Variants in SOWAHA observed in about 807,000 individuals in gnomAD.
SOWAHA encodes ankyrin repeat domain-containing protein SOWAHA.
A neutral mutation model predicts 21.1 loss-of-function variants in SOWAHA; 17 were observed. The ratio of observed to expected loss-of-function variants is 0.80; its 90% CI spans 0.55 to 1.21. The LOEUF is 1.21. Ranked by LOEUF, SOWAHA falls within the 50% of genes most tolerant of loss-of-function variation. SOWAHA has a pLI of 0.00. For synonymous variants in SOWAHA, 422 were observed against 397.1 expected, an observed-to-expected ratio of 1.06 and a Z score of -0.75; for missense variants, 862 against 816.0, an observed-to-expected ratio of 1.06 and a Z score of -0.69.
chr5:132,813,630 G>GGCCGCCTCC lies in SOWAHA; in HGVS notation c.15_16insTCCGCCGCC (p.Ala5_Ala6insSerAlaAla). ...GAACCCAGGGCCCCACCATGGCGCT[G>GGCCGCCTCC]GCCGCCGCCGCCGCCGCTGCGGCTG... On this transcript the variant is annotated inframe_insertion, in exon 1 of 1. Transcript: ENST00000378693. 7.4e-7 allele frequency: 1 copy of GGCCGCCTCC among 1,349,470 alleles called. No individual in the cohort carries two copies. The highest frequency in any genetic ancestry group is 4.0e-5 in the Admixed American group (1 of 25,200). The allele number at this position is 1,349,470 out of a possible 1,614,324, so 83.6% of individuals were successfully genotyped here.
rs1165557445 is a variant in SOWAHA at position 132,815,188 on chromosome 5, C to G, written c.1567C>G (p.Leu523Val). 5 of 1,613,974 alleles carry G rather than the reference C, an allele frequency of 3.1e-6. No homozygotes were observed. Among genetic ancestry groups the G allele is most frequent in the Non-Finnish European group, 4.2e-6 (5 of 1,180,030 alleles). The change falls in exon 1 of 1, where the codon CTG becomes GTG. Residue 523 changes from leucine (L) to valine (V), a missense_variant. Leu to Val is a conservative substitution (Grantham distance 32). Coordinates refer to ENST00000378693, the MANE Select transcript of SOWAHA (RefSeq NM_175873.6). ...TAAAAAGACAAAGATCCGCGGTGGT[C>G]TGCCAGCCTTCTCAGAAATCTCTCG... ...PRKKTKIRGG[L>V]PAFSEISRRP...
chr5:132,815,893 TAA>T lies in SOWAHA; in HGVS notation c.*625_*626del, dbSNP rs1364535045. Reference sequence around the variant, plus strand: ...GGAAATTAATCCCAACCAACAAACTTAAAAGTTTATCTACCTCGTTTTAGGCA... The same window carrying T: ...GGAAATTAATCCCAACCAACAAACTTAAGTTTATCTACCTCGTTTTAGGCA... On this transcript the variant is annotated 3_prime_UTR_variant, in exon 1 of 1. Coordinates refer to ENST00000378693, the MANE Select transcript of SOWAHA (RefSeq NM_175873.6). 1.2e-5 allele frequency: 2 copies of T among 166,874 alleles called. No individual in the cohort carries two copies. Among genetic ancestry groups the T allele is most frequent in the Non-Finnish European group, 2.9e-5 (2 of 68,130 alleles). 10.3% of individuals were successfully genotyped at this position (166,874 alleles called of 1,614,324 possible).
rs1318459910 is a variant in SOWAHA, at chr5:132,814,165, G to A, written c.544G>A (p.Ala182Thr). The A allele has an allele frequency of 5.0e-6, 8 of 1,598,644 alleles. No homozygotes were observed. The highest frequency in any genetic ancestry group is 6.8e-6 in the Non-Finnish European group (8 of 1,178,768). Residue 182 changes from alanine (A) to threonine (T), a missense_variant, in exon 1 of 1, where the codon GCC becomes ACC. Transcript: ENST00000378693. ...QATERPSADA[A>T]PPPRAPSEAA... Reference sequence around the variant, plus strand: ...CACCGAGAGACCCTCCGCAGACGCGGCCCCACCGCCTAGGGCCCCTTCTGA... The same window carrying A: ...CACCGAGAGACCCTCCGCAGACGCGACCCCACCGCCTAGGGCCCCTTCTGA...
At position 132,816,147 on chromosome 5, in the gene SOWAHA, A is replaced by G. The variant is rs1486085288; in HGVS notation, c.*876A>G. On this transcript the variant is annotated 3_prime_UTR_variant, in exon 1 of 1. Transcript: ENST00000378693. ...TTGTGGGTGGCTATTTTGATTTGGCATGACTACTTAATTTTTTAAAAAAAT... is the reference window on the plus strand; with the variant it reads ...TTGTGGGTGGCTATTTTGATTTGGCGTGACTACTTAATTTTTTAAAAAAAT... 1 of 167,048 alleles carries G rather than the reference A, an allele frequency of 6.0e-6. No individual in the cohort carries two copies. The highest frequency in any genetic ancestry group is 1.5e-5 in the Non-Finnish European group (1 of 68,114). The allele number at this position is 167,048 out of a possible 1,614,324, so 10.3% of individuals were successfully genotyped here.
At position 132,816,208 on chromosome 5, in the gene SOWAHA, T is replaced by C. The variant is rs1415051536; in HGVS notation, c.*937T>C. The stretch of plus-strand genomic sequence containing the variant: ...GAATTGCACCTTTGTGCCATGTTTC[T>C]GAATCTGGTTTTCAAATCCAGTGGA... On this transcript the variant is annotated 3_prime_UTR_variant, in exon 1 of 1. Transcript: ENST00000378693. 1.2e-5 allele frequency: 2 copies of C among 167,132 alleles called. No individual in the cohort carries two copies. The highest frequency in any genetic ancestry group is 3.8e-4 in the East Asian group (2 of 5,208). 10.4% of individuals were successfully genotyped at this position (167,132 alleles called of 1,614,324 possible). A position where few individuals can be genotyped will look rare whatever the true frequency, so the allele number is the denominator to read the frequency against.
rs780249771 is a variant in SOWAHA at position 132,815,079 on chromosome 5, C to T, written c.1458C>T (p.Asp486=). The change falls in exon 1 of 1, where the codon GAC becomes GAT. Residue 486 remains aspartate, a synonymous_variant. Coordinates refer to ENST00000378693, the MANE Select transcript of SOWAHA (RefSeq NM_175873.6). ...TSAFLGVLAD[D]LMLQDLARGL... is the part of the protein sequence containing the mutation. ...CATTTCTGGGCGTCCTGGCTGACGA[C>T]CTCATGCTCCAGGACCTGGCCCGAG... 168 of 1,613,156 alleles carry T rather than the reference C, an allele frequency of 1.0e-4. No individual in the cohort carries two copies. Among genetic ancestry groups the T allele is most frequent in the Non-Finnish European group, 1.3e-4 (155 of 1,179,554 alleles).
rs4266393 is a variant in SOWAHA at position 132,814,332 on chromosome 5, C to T, written c.711C>T (p.Pro237=). The change falls in exon 1 of 1, where the codon CCC becomes CCT. Residue 237 remains proline, a synonymous_variant. Coordinates refer to ENST00000378693, the MANE Select transcript of SOWAHA (RefSeq NM_175873.6). ...PATLRLRAEE[P]GLRRQLSEEP... The stretch of plus-strand genomic sequence containing the variant: ...CGCTCCGCCTCCGGGCGGAGGAGCC[C>T]GGCCTGCGCCGGCAGCTGTCGGAGG... 1 of 1,481,560 alleles carries T rather than the reference C, an allele frequency of 6.7e-7. No individual in the cohort carries two copies. Among genetic ancestry groups the T allele is most frequent in the East Asian group, 2.8e-5 (1 of 35,816 alleles). The allele number at this position is 1,481,560 out of a possible 1,614,324, so 91.8% of individuals were successfully genotyped here. A position where few individuals can be genotyped will look rare whatever the true frequency, so the allele number is the denominator to read the frequency against.
rs11739133 is a variant in SOWAHA, at chr5:132,816,781, A to C, written c.*1510A>C. ...TGAGCAATGAAATAAACAGTCCTCCATTTTGTTTCTGCTTGAGTGGTGATG... is the reference window on the plus strand; with the variant it reads ...TGAGCAATGAAATAAACAGTCCTCCCTTTTGTTTCTGCTTGAGTGGTGATG... On this transcript the variant is annotated 3_prime_UTR_variant, in exon 1 of 1. Transcript: ENST00000378693. 1,226 of 166,468 alleles carry C rather than the reference A, an allele frequency of 7.4e-3. 16 individuals carry two copies. The highest frequency in any genetic ancestry group is 0.024 in the South Asian group (118 of 4,828). The allele number at this position is 166,468 out of a possible 1,614,324, so 10.3% of individuals were successfully genotyped here.
Position 132,813,790 on chromosome 5 carries a change from C to T in SOWAHA, c.169C>T (p.Arg57Cys). 6.5e-7 allele frequency: 1 copy of T among 1,548,742 alleles called. No individual in the cohort carries two copies. Among genetic ancestry groups the T allele is most frequent in the Non-Finnish European group, 8.7e-7 (1 of 1,146,098 alleles). ...DPRGRAARRDRFKQFVNNVAV... is the reference protein window; with the variant it reads ...DPRGRAARRDCFKQFVNNVAV... ...GCGGGGCCGCGCCGCCCGCAGGGAC[C>T]GCTTCAAGCAGTTCGTCAACAACGT... Residue 57 changes from arginine (R) to cysteine (C), a missense_variant, in exon 1 of 1, where the codon CGC becomes TGC. By Grantham distance (180) the Arg-to-Cys change is radical. Transcript: ENST00000378693.
rs1389241302 is a variant in SOWAHA, at chr5:132,814,749, C to T, written c.1128C>T (p.Val376=). ...VEVARRSGAP[V]DVNARSHGGY... ...TCGCGCGGCGCAGTGGCGCACCAGT[C>T]GACGTGAACGCACGCTCCCACGGCG... The change falls in exon 1 of 1, where the codon GTC becomes GTT. Residue 376 remains valine (V), a synonymous_variant. Transcript: ENST00000378693. The T allele has an allele frequency of 1.1e-5, 17 of 1,528,272 alleles. No homozygotes were observed. Among genetic ancestry groups the T allele is most frequent in the Admixed American group, 2.0e-5 (1 of 50,324 alleles). The allele number at this position is 1,528,272 out of a possible 1,614,324, so 94.7% of individuals were successfully genotyped here.
In SOWAHA at chr5:132,816,489, G is replaced by A. The variant is rs1758386321; in HGVS notation, c.*1218G>A. ...TGGGCCTTTGTTCCTATCTGTAAAT[G>A]AGAAAGTTTGTAGATATTGCCAAGA... On this transcript the variant is annotated 3_prime_UTR_variant, in exon 1 of 1. Coordinates refer to ENST00000378693, the MANE Select transcript of SOWAHA (RefSeq NM_175873.6). The A allele has an allele frequency of 1.2e-5, 2 of 167,096 alleles. No homozygotes were observed. The highest frequency in any genetic ancestry group is 1.3e-4 in the Admixed American group (2 of 15,290). 10.4% of individuals were successfully genotyped at this position (167,096 alleles called of 1,614,324 possible). A position where few individuals can be genotyped will look rare whatever the true frequency, so the allele number is the denominator to read the frequency against.
Position 132,813,660 on chromosome 5 carries a change from G to C in SOWAHA, c.39G>C (p.Gly13=), listed in dbSNP as rs1378397705. ...CCGCCGCCGCCGCTGCGGCTGCCGG[G>C]GTGAGCCAGGCGGCGGTGCTGGGCT... ...LAAAAAAAAA[G]VSQAAVLGFL... is the part of the protein sequence containing the mutation. The change falls in exon 1 of 1, where the codon GGG becomes GGC. Residue 13 remains glycine (G), a synonymous_variant. Transcript: ENST00000378693. The C allele has an allele frequency of 4.1e-6, 6 of 1,451,172 alleles. No individual in the cohort carries two copies. In the African/African-American group the frequency reaches 4.4e-5, roughly 11 times the overall value. The allele number at this position is 1,451,172 out of a possible 1,614,324, so 89.9% of individuals were successfully genotyped here. A position where few individuals can be genotyped will look rare whatever the true frequency, so the allele number is the denominator to read the frequency against.
chr5:132,814,476 C>G lies in SOWAHA; in HGVS notation c.855C>G (p.Gly285=). The G allele has an allele frequency of 3.5e-6, 5 of 1,443,046 alleles. No individual in the cohort carries two copies. The highest frequency in any genetic ancestry group is 4.5e-6 in the Non-Finnish European group (5 of 1,105,606). The allele number at this position is 1,443,046 out of a possible 1,614,324, so 89.4% of individuals were successfully genotyped here. A position where few individuals can be genotyped will look rare whatever the true frequency, so the allele number is the denominator to read the frequency against. ...SPHLRRLSRA[G]PRLLSPDAEE... is the part of the protein sequence containing the mutation. ...ACCTGAGGCGCCTGTCGCGCGCCGGCCCGCGTCTGCTGAGCCCTGACGCCG... is the reference window on the plus strand; with the variant it reads ...ACCTGAGGCGCCTGTCGCGCGCCGGGCCGCGTCTGCTGAGCCCTGACGCCG... The change falls in exon 1 of 1, where the codon GGC becomes GGG. Residue 285 remains glycine, a synonymous_variant. Transcript: ENST00000378693.
Position 132,814,644 on chromosome 5 carries a change from C to T in SOWAHA, c.1023C>T (p.Arg341=). 1 of 1,523,042 alleles carries T rather than the reference C, an allele frequency of 6.6e-7. No individual in the cohort carries two copies. The allele number at this position is 1,523,042 out of a possible 1,614,324, so 94.3% of individuals were successfully genotyped here. ...GCGACCGCGGCTTGGCGGCCAAGCG[C>T]GACTTCATGTCTGGCTTCACGGCCC... is the stretch of plus-strand genomic sequence containing the variant. ...LLRDRGLAAK[R]DFMSGFTALH... The change falls in exon 1 of 1, where the codon CGC becomes CGT. Residue 341 remains arginine (R), a synonymous_variant. Coordinates refer to ENST00000378693, the MANE Select transcript of SOWAHA (RefSeq NM_175873.6).
Position 132,813,817 on chromosome 5 carries a change from G to T in SOWAHA, c.196G>T (p.Ala66Ser), listed in dbSNP as rs369609147. 2.6e-6 allele frequency: 4 copies of T among 1,549,380 alleles called. No homozygotes were observed. Among genetic ancestry groups the T allele is most frequent in the Non-Finnish European group, 3.5e-6 (4 of 1,146,404 alleles). ...CTTCAAGCAGTTCGTCAACAACGTGGCGGTGGTGAAGGAGCTCGACGGCGT... is the reference window on the plus strand; with the variant it reads ...CTTCAAGCAGTTCGTCAACAACGTGTCGGTGGTGAAGGAGCTCGACGGCGT... ...DRFKQFVNNVAVVKELDGVKF... is the reference protein window; with the variant it reads ...DRFKQFVNNVSVVKELDGVKF... The change falls in exon 1 of 1, where the codon GCG (alanine) becomes TCG (serine). Residue 66 changes from alanine to serine, a missense_variant. By Grantham distance (99) the Ala-to-Ser change is moderately conservative. Transcript: ENST00000378693.
Position 132,813,578 on chromosome 5 carries a change from G to T in SOWAHA, c.-44G>T. 8.6e-7 allele frequency: 1 copy of T among 1,166,712 alleles called. No individual in the cohort carries two copies. Among genetic ancestry groups the T allele is most frequent in the Non-Finnish European group, 1.1e-6 (1 of 942,752 alleles). The allele number at this position is 1,166,712 out of a possible 1,614,324, so 72.3% of individuals were successfully genotyped here. A position where few individuals can be genotyped will look rare whatever the true frequency, so the allele number is the denominator to read the frequency against. ...CCGCTCCCGCGCGTCCCGCGGCGAC[G>T]CGGCGCCCACCCGCCCCGGGAGCCA... is the stretch of plus-strand genomic sequence containing the variant. On this transcript the variant is annotated 5_prime_UTR_variant, in exon 1 of 1. Transcript: ENST00000378693.
At position 132,814,632 on chromosome 5, in the gene SOWAHA, G is replaced by C. The variant is rs1468792177; in HGVS notation, c.1011G>C (p.Leu337Phe). The C allele has an allele frequency of 2.0e-6, 3 of 1,521,218 alleles. No individual in the cohort carries two copies. The African/African-American group carries it at 4.2e-5, about 21-fold the overall frequency. 94.2% of individuals were successfully genotyped at this position (1,521,218 alleles called of 1,614,324 possible). A position where few individuals can be genotyped will look rare whatever the true frequency, so the allele number is the denominator to read the frequency against. Residue 337 changes from leucine (L) to phenylalanine (F), a missense_variant, in exon 1 of 1, where the codon TTG becomes TTC. By Grantham distance (22) the Leu-to-Phe change is conservative (BLOSUM62 0). Coordinates refer to ENST00000378693, the MANE Select transcript of SOWAHA (RefSeq NM_175873.6). ...GGCTGCTGCTGCGCGACCGCGGCTT[G>C]GCGGCCAAGCGCGACTTCATGTCTG... Reference protein sequence around the residue: ...LHGLLLRDRGLAAKRDFMSGF... With the variant: ...LHGLLLRDRGFAAKRDFMSGF...
Position 132,814,287 on chromosome 5 carries a change from C to G in SOWAHA, c.666C>G (p.Arg222=). The G allele has an allele frequency of 6.7e-7, 1 of 1,502,516 alleles. No homozygotes were observed. Among genetic ancestry groups the G allele is most frequent in the East Asian group, 2.7e-5 (1 of 37,016 alleles). The allele number at this position is 1,502,516 out of a possible 1,614,324, so 93.1% of individuals were successfully genotyped here. Residue 222 remains arginine, a synonymous_variant, in exon 1 of 1, where the codon CGC becomes CGG. Transcript: ENST00000378693. ...PQQKPCMLPV[R]CVPAPATLRL... ...AGAAGCCCTGTATGCTGCCGGTGCG[C>G]TGCGTCCCGGCCCCCGCCACGCTCC...
rs868415766 is a variant in SOWAHA, at chr5:132,813,346, T to C, written c.-276T>C. Reference sequence around the variant, plus strand: ...CGCGGGGGATGGAAGCAGGCGCCCATTGGACAGAATACAAAGGCAGAAACC... The same window carrying C: ...CGCGGGGGATGGAAGCAGGCGCCCACTGGACAGAATACAAAGGCAGAAACC... On this transcript the variant is annotated 5_prime_UTR_variant, in exon 1 of 1. Transcript: ENST00000378693. Among the ~76,000 whole-genome samples, 2 of 151,720 alleles carry C rather than the reference T, an allele frequency of 1.3e-5. No homozygotes were observed. Among genetic ancestry groups the C allele is most frequent in the African/African-American group, 4.8e-5 (2 of 41,318 alleles).
Sources: gnomAD v4.1 joint callset for allele counts (sites outside exome capture counted in the v4.1 genomes callset) on GRCh38, gnomAD v4.1.1 for gene constraint, MANE v1.5 for transcripts, NCBI Gene and HGNC (gene_info 2026-07-23, HGNC 2026-07-21) for gene names.